Variants in GBA2 observed in about 807,000 individuals in gnomAD.
The protein encoded by GBA2 is glucosylceramidase beta 2, also known as non-lysosomal glucosylceramidase.
Under a neutral mutation model 112.9 loss-of-function variants are expected in GBA2, and 79 were observed. The ratio of observed to expected loss-of-function variants is 0.70; its 90% CI spans 0.58 to 0.84. GBA2 has a LOEUF of 0.84. GBA2 is among the 40% of genes least tolerant of loss of function. GBA2 has a pLI of 0.00. For missense variants in GBA2, 1,043 were observed against 1,190.0 expected, an observed-to-expected ratio of 0.88 and a Z score of 1.82; for synonymous variants, 403 against 434.3, an observed-to-expected ratio of 0.93 and a Z score of 0.90.
chr9:35,738,940 G>C, intron 11 of GBA2, 37 bp from the exon 12 acceptor site: 1 of 1,612,346 alleles, frequency 6.2e-7, no homozygotes, highest in Non-Finnish European at 8.5e-7. Flanking sequence ...ACTTGCATTG[G>C]TGGATAGGGT....
In GBA2 at chr9:35,741,199, C is replaced by T. The variant is rs1826651905; in HGVS notation, c.787-135G>A. 1.1e-6 allele frequency: 1 copy of T among 938,110 alleles called. No homozygotes were observed. Among genetic ancestry groups the T allele is most frequent in the Non-Finnish European group, 1.6e-6 (1 of 631,288 alleles). The allele number at this position is 938,110 out of a possible 1,614,324, so 58.1% of individuals were successfully genotyped here. On this transcript the variant is annotated intron_variant, in intron 4 of 16. Coordinates refer to ENST00000378103, the MANE Select transcript of GBA2 (RefSeq NM_020944.3). This position sits in a 1 kb window ranked among gnomAD's most constrained non-coding sequence, Gnocchi z 4.6. The stretch of plus-strand genomic sequence containing the variant: ...GTACTCTTCTTTTGTCCACTTGCAT[C>T]TCCCCATATTCCCAGGCAAGCTGCC...
intron 2 of GBA2, 83 bp from the exon 3 acceptor site, chr9:35,744,495 C>T (rs772217074): frequency 8.6e-6 from 9 of 1,049,476 alleles, no homozygotes; most frequent in Admixed American, 5.3e-5. Flanking sequence ...AAGCCTGGTT[C>T]CTCTGAAAAC....
Position 35,741,491 on chromosome 9 carries a change from G to A in GBA2, c.786+181C>T, listed in dbSNP as rs1826681522. On this transcript the variant is annotated intron_variant, in intron 4 of 16. Coordinates refer to ENST00000378103, the MANE Select transcript of GBA2 (RefSeq NM_020944.3). The surrounding 1 kb of genome is among the most constrained non-coding windows in gnomAD (Gnocchi z 4.6). ...TTTTTTTGTATTTTTAGTAGATATGGGGTTTCACGTGTTAGCCAGGATGGT... is the reference window on the plus strand; with the variant it reads ...TTTTTTTGTATTTTTAGTAGATATGAGGTTTCACGTGTTAGCCAGGATGGT... 4.9e-6 allele frequency: 3 copies of A among 615,376 alleles called. No individual in the cohort carries two copies. The highest frequency in any genetic ancestry group is 8.8e-6 in the Non-Finnish European group (3 of 342,352). The allele number at this position is 615,376 out of a possible 1,614,324, so 38.1% of individuals were successfully genotyped here. A position where few individuals can be genotyped will look rare whatever the true frequency, so the allele number is the denominator to read the frequency against.
chr9:35,737,839 T>G lies in GBA2; in HGVS notation c.2414A>C (p.Gln805Pro), dbSNP rs1464964854. Residue 805 changes from glutamine to proline, a missense_variant, in exon 16 of 17, where the codon CAG becomes CCG. Coordinates refer to ENST00000378103, the MANE Select transcript of GBA2 (RefSeq NM_020944.3). The surrounding 1 kb of genome is among the most constrained non-coding windows in gnomAD (Gnocchi z 4.1). Reference sequence around the variant, plus strand: ...GGATTTATCAGGGACACCATGGGGCTGCATCCCATTCACAGCCCCCATGGC... The same window carrying G: ...GGATTTATCAGGGACACCATGGGGCGGCATCCCATTCACAGCCCCCATGGC... ...GGAMGAVNGM[Q>P]PHGVPDKSSV... is the part of the protein sequence containing the mutation. 1.2e-6 allele frequency: 2 copies of G among 1,613,558 alleles called. No individual in the cohort carries two copies. Among genetic ancestry groups the G allele is most frequent in the Non-Finnish European group, 1.7e-6 (2 of 1,179,774 alleles).
At position 35,741,451 on chromosome 9, in the gene GBA2, C is replaced by T. The variant is rs373222776; in HGVS notation, c.786+221G>A. ...CTGGGACTACAGGTGCCTGCCACAA[C>T]GCCCAGCTAATTTTTTTTTTTGTAT... On this transcript the variant is annotated intron_variant, in intron 4 of 16. Transcript: ENST00000378103. The surrounding 1 kb of genome is among the most constrained non-coding windows in gnomAD (Gnocchi z 4.6). 1,426 of 557,910 alleles carry T rather than the reference C, an allele frequency of 2.6e-3. 7 individuals carry two copies. Among genetic ancestry groups the T allele is most frequent in the Middle Eastern group, 6.3e-3 (13 of 2,062 alleles). 34.6% of individuals were successfully genotyped at this position (557,910 alleles called of 1,614,324 possible). A position where few individuals can be genotyped will look rare whatever the true frequency, so the allele number is the denominator to read the frequency against.
chr9:35,739,515 T>C, intron 9 of GBA2, 96 bp from the exon 10 acceptor site: 1 of 1,282,944 alleles, frequency 7.8e-7, no homozygotes. Flanking sequence ...TGGGGCATTG[T>C]TACTAGTCCA....
Position 35,740,514 on chromosome 9 carries a change from AC to A in GBA2, c.1129+11del, listed in dbSNP as rs745663119. The A allele has an allele frequency of 1.1e-4, 176 of 1,596,762 alleles. No individual in the cohort carries two copies. Among genetic ancestry groups the A allele is most frequent in the African/African-American group, 2.6e-4 (19 of 74,430 alleles). Reference sequence around the variant, plus strand: ...TCTCTTCCCACCATCTCCCAGTCAGACCCCCCATCACCAGTGGGAGAGTCCA... The same window carrying A: ...TCTCTTCCCACCATCTCCCAGTCAGACCCCCATCACCAGTGGGAGAGTCCA... On this transcript the variant is annotated intron_variant, in intron 6 of 16. Coordinates refer to ENST00000378103, the MANE Select transcript of GBA2 (RefSeq NM_020944.3). This position sits in a 1 kb window ranked among gnomAD's most constrained non-coding sequence, Gnocchi z 4.7.
intron 1 of GBA2, among the ~76,000 whole-genome samples, chr9:35,748,120 A>G (rs549086327): frequency 6.6e-6 from 1 of 152,196 alleles, no homozygotes; most frequent in Non-Finnish European, 1.5e-5. Flanking sequence ...AAATGTTCCT[A>G]CCCTTTCCTT....
In GBA2 at chr9:35,744,222, C is replaced by G. The variant is rs1826854472; in HGVS notation, c.567+75G>C. 3 of 819,526 alleles carry G rather than the reference C, an allele frequency of 3.7e-6. No individual in the cohort carries two copies. The Admixed American group carries it at 5.7e-5, about 16-fold the overall frequency. 50.8% of individuals were successfully genotyped at this position (819,526 alleles called of 1,614,324 possible). A position where few individuals can be genotyped will look rare whatever the true frequency, so the allele number is the denominator to read the frequency against. ...CTTATTCACATCTAACTGCTACCTT[C>G]TACACTAGCCAAGAGGTCCTTCCTT... On this transcript the variant is annotated intron_variant, in intron 3 of 16. Coordinates refer to ENST00000378103, the MANE Select transcript of GBA2 (RefSeq NM_020944.3).
Position 35,748,701 on chromosome 9 carries a change from C to A in GBA2, c.4G>T (p.Gly2Trp). The A allele has an allele frequency of 1.3e-6, 2 of 1,542,182 alleles. No homozygotes were observed. The highest frequency in any genetic ancestry group is 1.8e-6 in the Non-Finnish European group (2 of 1,139,302). The change falls in exon 1 of 17, where the codon GGG becomes TGG. Residue 2 changes from glycine to tryptophan, a missense_variant. Coordinates refer to ENST00000378103, the MANE Select transcript of GBA2 (RefSeq NM_020944.3). MGTQDPGNMGTG... is the reference protein window; with the variant it reads MWTQDPGNMGTG... ...CCCATGTTCCCTGGATCCTGGGTCC[C>A]CATGACCTCGATGGCGCCAAGTCCC...
chr9:35,739,861 T>C (rs1342730770), intron 8 of GBA2, 61 bp from the exon 9 acceptor site: 11 of 1,575,960 alleles, frequency 7.0e-6, no homozygotes, highest in African/African-American at 1.3e-5. Flanking sequence ...TGGAAAGGAT[T>C]TGGGGGTTCA....
chr9:35,737,631 G>A lies in GBA2; in HGVS notation c.2505+117C>T. The A allele has an allele frequency of 1.9e-6, 3 of 1,592,264 alleles. No homozygotes were observed. The highest frequency in any genetic ancestry group is 2.6e-6 in the Non-Finnish European group (3 of 1,168,326). On this transcript the variant is annotated intron_variant, in intron 16 of 16. Transcript: ENST00000378103. The surrounding 1 kb of genome is among the most constrained non-coding windows in gnomAD (Gnocchi z 4.1). Reference sequence around the variant, plus strand: ...TGGAATGCATACCAGGGAAAAATGGGAGGCTTTATAGACGGACAAGATGGC... The same window carrying A: ...TGGAATGCATACCAGGGAAAAATGGAAGGCTTTATAGACGGACAAGATGGC...
rs767302670 is a variant in GBA2, at chr9:35,744,660, G to T, written c.406C>A (p.Pro136Thr). 6.2e-7 allele frequency: 1 copy of T among 1,610,958 alleles called. No homozygotes were observed. Among genetic ancestry groups the T allele is most frequent in the East Asian group, 2.2e-5 (1 of 44,866 alleles). ...YRKTHVEKKT[P>T]FIDMINSVPL... ...ACAGAATTGATCATGTCGATGAAAG[G>T]TGTCTTCTTTTCCACATGGGTCTTC... is the stretch of plus-strand genomic sequence containing the variant. The change falls in exon 2 of 17, where the codon CCT becomes ACT. Residue 136 changes from proline to threonine, a missense_variant. Transcript: ENST00000378103.
intron 9 of GBA2, 33 bp downstream of exon 9, chr9:35,739,595 C>A (rs758248014): frequency 1.8e-5 from 29 of 1,593,358 alleles, no homozygotes; most frequent in Non-Finnish European, 2.2e-5. Context: ...TTGGGGATGG[C>A]CTGCCATATC....
rs767596119 is a variant in GBA2, at chr9:35,740,502, T to A, written c.1129+24A>T. 1.9e-6 allele frequency: 3 copies of A among 1,587,978 alleles called. No homozygotes were observed. On this transcript the variant is annotated intron_variant, in intron 6 of 16. Transcript: ENST00000378103. This position sits in a 1 kb window ranked among gnomAD's most constrained non-coding sequence, Gnocchi z 4.7. ...ACAGGGACAACCTCTCTTCCCACCA[T>A]CTCCCAGTCAGACCCCCCATCACCA...
chr9:35,741,566 G>A lies in GBA2; in HGVS notation c.786+106C>T, dbSNP rs1826687165. The A allele has an allele frequency of 2.5e-6, 2 of 796,562 alleles. No individual in the cohort carries two copies. Among genetic ancestry groups the A allele is most frequent in the Admixed American group, 1.7e-5 (1 of 57,566 alleles). The allele number at this position is 796,562 out of a possible 1,614,324, so 49.3% of individuals were successfully genotyped here. A position where few individuals can be genotyped will look rare whatever the true frequency, so the allele number is the denominator to read the frequency against. On this transcript the variant is annotated intron_variant, in intron 4 of 16. Coordinates refer to ENST00000378103, the MANE Select transcript of GBA2 (RefSeq NM_020944.3). The surrounding 1 kb of genome is among the most constrained non-coding windows in gnomAD (Gnocchi z 4.6). ...GCCTGCCTTGGCCTCCCAAAGTGTTGGGATTACAGGCGTGAGCTACCGCGC... is the reference window on the plus strand; with the variant it reads ...GCCTGCCTTGGCCTCCCAAAGTGTTAGGATTACAGGCGTGAGCTACCGCGC...
chr9:35,744,393 G>A lies in GBA2; in HGVS notation c.471C>T (p.Ile157=), dbSNP rs1411298397. 2.5e-6 allele frequency: 4 copies of A among 1,607,006 alleles called. No individual in the cohort carries two copies. The highest frequency in any genetic ancestry group is 1.1e-5 in the South Asian group (1 of 90,924). Residue 157 remains isoleucine, a synonymous_variant, in exon 3 of 17, where the codon ATC becomes ATT. Coordinates refer to ENST00000378103, the MANE Select transcript of GBA2 (RefSeq NM_020944.3). ...AGCCACGGGTAATAGTGCCTCCCCC[G>A]ATGCCACCCAAGGGACAACCTAGAG... ...RQIYGCPLGG[I]GGGTITRGWR...
Position 35,741,801 on chromosome 9 carries a change from C to G in GBA2, c.657G>C (p.Trp219Cys). 3 of 1,613,756 alleles carry G rather than the reference C, an allele frequency of 1.9e-6. No individual in the cohort carries two copies. Among genetic ancestry groups the G allele is most frequent in the Non-Finnish European group, 2.5e-6 (3 of 1,179,674 alleles). Residue 219 changes from tryptophan to cysteine, a missense_variant, in exon 4 of 17, where the codon TGG (tryptophan) becomes TGC (cysteine). Trp to Cys is a radical substitution (Grantham distance 215, BLOSUM62 -2). Transcript: ENST00000378103. This position sits in a 1 kb window ranked among gnomAD's most constrained non-coding sequence, Gnocchi z 4.6. ...ERPSVLRSWN[W>C]GLCGYFAFYH... ...AGAAAGCAAAGTACCCACACAGGCC[C>G]CAGTTCCAGCTGCGGAGGACACTTG...
chr9:35,740,957 T>C lies in GBA2; in HGVS notation c.894A>G (p.Gly298=). The change falls in exon 5 of 17, where the codon GGA becomes GGG. Residue 298 remains glycine (G), a synonymous_variant. Coordinates refer to ENST00000378103, the MANE Select transcript of GBA2 (RefSeq NM_020944.3). The surrounding 1 kb of genome is among the most constrained non-coding windows in gnomAD (Gnocchi z 4.7). ...TCCACAAACCCCCTGGGGCATCGTC[T>C]CCACCACCCAGTCCATTCCGCATGG... ...MFSMRNGLGG[G]DDAPGGLWNE... 1 of 1,614,150 alleles carries C rather than the reference T, an allele frequency of 6.2e-7. No individual in the cohort carries two copies. The highest frequency in any genetic ancestry group is 1.3e-5 in the African/African-American group (1 of 75,036).
Sources: gnomAD v4.1 joint callset for allele counts (sites outside exome capture counted in the v4.1 genomes callset) on GRCh38, gnomAD v4.1.1 for gene constraint, Gnocchi (gnomAD v3.1) non-coding constraint, MANE v1.5 for transcripts, NCBI Gene and HGNC (gene_info 2026-07-23, HGNC 2026-07-21) for gene names.